Variants in CPNE2 observed in about 807,000 individuals in gnomAD.
The protein encoded by CPNE2 is copine-2.
In CPNE2, 42 loss-of-function variants were observed where a neutral mutation model predicts 69.7. That is an observed-to-expected ratio of 0.60 (90% CI 0.47 to 0.78). The LOEUF (loss-of-function observed/expected upper bound fraction) is 0.78, where lower values mean the gene tolerates loss of function less well. Among genes scored for constraint, CPNE2 ranks in the 30% least tolerant of loss-of-function variants. CPNE2 has a pLI of 0.00. For missense variants in CPNE2, 587 were observed against 732.0 expected, an observed-to-expected ratio of 0.80 and a Z score of 2.29; for synonymous variants, 294 against 289.8, an observed-to-expected ratio of 1.01 and a Z score of -0.15.
In CPNE2 at chr16:57,124,200, G is replaced by A. The variant is rs562055770; in HGVS notation, c.927+727G>A. The A allele has an allele frequency of 1.8e-4, 59 of 323,918 alleles. 1 individual carries two copies. The highest frequency in any genetic ancestry group is 1.4e-3 in the South Asian group (57 of 40,884). The allele number at this position is 323,918 out of a possible 1,614,324, so 20.1% of individuals were successfully genotyped here. A position where few individuals can be genotyped will look rare whatever the true frequency, so the allele number is the denominator to read the frequency against. ...GCTCTCAGTTGATCCTCCCACCTCAGCTTCCTGAGTAGCTGGGATTACAGG... is the reference window on the plus strand; with the variant it reads ...GCTCTCAGTTGATCCTCCCACCTCAACTTCCTGAGTAGCTGGGATTACAGG... On this transcript the variant is annotated intron_variant, in intron 10 of 15. Transcript: ENST00000290776.
At chr16:57,127,003 C>T (rs1445985604) in intron 11 of CPNE2, among the ~76,000 whole-genome samples, 1 of 152,172 alleles carries the variant, frequency 6.6e-6, no homozygotes, top group Non-Finnish European at 1.5e-5. Flanking sequence ...TCCACGGCAG[C>T]CAAAGGGATC....
Position 57,127,888 on chromosome 16 carries a change from AC to A in CPNE2, c.1106del (p.Pro369GlnfsTer295), listed in dbSNP as rs2069811762. 6.2e-7 allele frequency: 1 copy of A among 1,613,432 alleles called. No individual in the cohort carries two copies. Among genetic ancestry groups the A allele is most frequent in the Non-Finnish European group, 8.5e-7 (1 of 1,179,962 alleles). The part of the protein sequence containing the change: ...FPALGFGAQL[P>X]PDWKVSHEFA... ...CAGCTCTGGGATTCGGGGCCCAGTT[AC>A]CCCCAGACTGGAAGGTGAGTGAAAC... On this transcript the variant is annotated frameshift_variant, in exon 12 of 16. Coordinates refer to ENST00000290776, the MANE Select transcript of CPNE2 (RefSeq NM_152727.6). LOFTEE classifies it high-confidence loss of function.
At chr16:57,128,691 T>C (rs565932002) in intron 12 of CPNE2, among the ~76,000 whole-genome samples, 1 of 152,324 alleles carries the variant, frequency 6.6e-6, no homozygotes, top group African/African-American at 2.4e-5. Context: ...GGACTTTTAG[T>C]GTATTCATCA....
intron 2 of CPNE2, chr16:57,113,033 T>A (rs1316672537): frequency 2.5e-6 from 1 of 405,116 alleles, no homozygotes; most frequent in African/African-American, 2.1e-5. Flanking sequence ...ATTAAGAGTG[T>A]GGGTAGCAGA....
At chr16:57,136,328 A>G (rs1423775489) in intron 13 of CPNE2, among the ~76,000 whole-genome samples, 1 of 152,222 alleles carries the variant, frequency 6.6e-6, no homozygotes, top group Non-Finnish European at 1.5e-5. Context: ...GCTACAGGGC[A>G]GTGTGCTCAT....
chr16:57,128,259 T>G (rs2145267432), intron 12 of CPNE2, among the ~76,000 whole-genome samples: 1 of 152,350 alleles, frequency 6.6e-6, no homozygotes, highest in South Asian at 2.1e-4. Flanking sequence ...AGACAGAGTC[T>G]TGCTCTGTTG....
At chr16:57,129,176 G>A (rs2069820844) in intron 12 of CPNE2, 2 of 152,750 alleles carry the variant, frequency 1.3e-5, no homozygotes, top group African/African-American at 4.8e-5. Flanking sequence ...TCCATTGGAG[G>A]TGAGCAGGGT....
rs144763475 is a variant in CPNE2, at chr16:57,113,735, C to T, written c.360+268C>T. Among the ~76,000 whole-genome samples the T allele has an allele frequency of 8.2e-3, 1,256 of 152,324 alleles. 21 individuals are homozygous for T. Among genetic ancestry groups the T allele is most frequent in the African/African-American group, 0.029 (1,203 of 41,568 alleles). On this transcript the variant is annotated intron_variant, in intron 3 of 15. Coordinates refer to ENST00000290776, the MANE Select transcript of CPNE2 (RefSeq NM_152727.6). Reference sequence around the variant, plus strand: ...AGATATAATCAGGTGTGGTCTTGACCTCTGGGGGTAGGAGCATCTGACCAG... The same window carrying T: ...AGATATAATCAGGTGTGGTCTTGACTTCTGGGGGTAGGAGCATCTGACCAG...
At chr16:57,107,147 C>T (rs1457624065) in intron 1 of CPNE2, among the ~76,000 whole-genome samples, 2 of 152,216 alleles carry the variant, frequency 1.3e-5, no homozygotes, top group African/African-American at 4.8e-5. Flanking sequence ...TGTCTGCCCC[C>T]TTCCCCACCC....
At chr16:57,120,270 C>CA (rs201770187) in intron 7 of CPNE2, among the ~76,000 whole-genome samples, 14,228 of 118,800 alleles carry the variant, frequency 0.12, 963 homozygotes, top group African/African-American at 0.21. Flanking sequence ...GATTCTGTCT[C>CA]AAAAAAAAAA....
chr16:57,097,394 A>G (rs1265015877), intron 1 of CPNE2, among the ~76,000 whole-genome samples: 2 of 152,136 alleles, frequency 1.3e-5, no homozygotes, highest in Non-Finnish European at 2.9e-5. Flanking sequence ...GAACAACCAA[A>G]TGGATGGCTG....
intron 1 of CPNE2, among the ~76,000 whole-genome samples, chr16:57,093,596 C>T (rs75396702): frequency 0.022 from 3,390 of 152,204 alleles, 142 homozygotes; most frequent in African/African-American, 0.077. Flanking sequence ...GTGATTTGCC[C>T]AAGGTCACAG....
Position 57,113,266 on chromosome 16 carries a change from C to T in CPNE2, c.181-22C>T, listed in dbSNP as rs548980847. The T allele has an allele frequency of 1.1e-5, 17 of 1,609,038 alleles. No individual in the cohort carries two copies. In the South Asian group the frequency reaches 1.8e-4, roughly 17 times the overall value. ...GACCAGCTGCCTTGACTCTGACTTCCATTTTCCTGCCCCTCTGCTAGTACG... is the reference window on the plus strand; with the variant it reads ...GACCAGCTGCCTTGACTCTGACTTCTATTTTCCTGCCCCTCTGCTAGTACG... On this transcript the variant is annotated intron_variant, in intron 2 of 15. Transcript: ENST00000290776.
At chr16:57,102,296 T>G (rs1036912007) in intron 1 of CPNE2, among the ~76,000 whole-genome samples, 2 of 152,208 alleles carry the variant, frequency 1.3e-5, no homozygotes, top group South Asian at 4.1e-4. Flanking sequence ...AGGTGACCCA[T>G]CTGGAAACCA....
chr16:57,102,374 T>C (rs1338739061), intron 1 of CPNE2, among the ~76,000 whole-genome samples: 7 of 152,048 alleles, frequency 4.6e-5, no homozygotes, highest in African/African-American at 1.7e-4. Flanking sequence ...ACTGCCAGGA[T>C]ATGCTGGGTG....
chr16:57,145,860 G>A (rs1480114849), intron 14 of CPNE2: 1 of 574,480 alleles, frequency 1.7e-6, no homozygotes, highest in Non-Finnish European at 3.1e-6. Flanking sequence ...GGGGAGAGCA[G>A]TTTGTACTTC....
chr16:57,117,885 G>A (rs56827563), intron 5 of CPNE2, among the ~76,000 whole-genome samples: 5,162 of 152,002 alleles, frequency 0.034, 287 homozygotes, highest in African/African-American at 0.12. Context: ...CCGACTCTCC[G>A]ACCTCACCCC....
At chr16:57,128,108 T>A (rs999439305) in intron 12 of CPNE2, among the ~76,000 whole-genome samples, 1 of 152,200 alleles carries the variant, frequency 6.6e-6, no homozygotes, top group Non-Finnish European at 1.5e-5. Context: ...GTTCTCTGTT[T>A]ATGAGACCCA....
At chr16:57,122,019 C>T (rs928325340) in intron 9 of CPNE2, among the ~76,000 whole-genome samples, 43 of 152,358 alleles carry the variant, frequency 2.8e-4, no homozygotes, top group African/African-American at 9.6e-4. Flanking sequence ...AAGGCACGAG[C>T]TGACCTTCCA....
Sources: allele counts gnomAD v4.1 joint callset (sites outside exome capture counted in the v4.1 genomes callset), GRCh38; gene constraint gnomAD v4.1.1; transcripts MANE v1.5; gene names NCBI Gene and HGNC (gene_info 2026-07-23, HGNC 2026-07-21).